The following RNF220 variants were observed in gnomAD, a reference collection of about 807,000 sequenced individuals.
RNF220 encodes E3 ubiquitin-protein ligase RNF220.
In RNF220, 7 loss-of-function variants were observed where a neutral mutation model predicts 67.1. The observed-to-expected ratio is 0.10, with a 90% confidence interval of 0.06 to 0.20. The LOEUF is 0.20. Among genes scored for constraint, RNF220 ranks in the 10% least tolerant of loss-of-function variants. RNF220 has a pLI of 1.00. For missense variants in RNF220, 565 were observed against 740.3 expected, an observed-to-expected ratio of 0.76 and a Z score of 2.75; for synonymous variants, 270 against 283.2, an observed-to-expected ratio of 0.95 and a Z score of 0.47.
chr1:44,427,974 T>C (rs149199694), intron 2 of RNF220, among the ~76,000 whole-genome samples: 10 of 152,342 alleles, frequency 6.6e-5, no homozygotes, highest in African/African-American at 2.4e-4. Context: ...TGAACTCTTA[T>C]AAGTCTGTGC....
At chr1:44,635,737 G>T (rs1461883707) in intron 7 of RNF220, 149 bp downstream of exon 7, 6 of 1,494,198 alleles carry the variant, frequency 4.0e-6, no homozygotes, top group Non-Finnish European at 5.4e-6. Flanking sequence ...GACTGCCCCT[G>T]AATCTGTGGG....
At chr1:44,480,440 A>C (rs1204748223) in intron 2 of RNF220, among the ~76,000 whole-genome samples, 3 of 151,998 alleles carry the variant, frequency 2.0e-5, no homozygotes, top group African/African-American at 7.2e-5. Flanking sequence ...GTGATTGCAA[A>C]AGATGAAATG....
At chr1:44,489,806 C>A (rs12140348) in intron 2 of RNF220, among the ~76,000 whole-genome samples, 6,762 of 151,670 alleles carry the variant, frequency 0.045, 159 homozygotes, top group Non-Finnish European at 0.061. Flanking sequence ...ATCTGCTTCA[C>A]CAGAATCCCA....
chr1:44,618,106 A>T (rs1297951511), intron 3 of RNF220, among the ~76,000 whole-genome samples: 2 of 152,076 alleles, frequency 1.3e-5, no homozygotes, highest in African/African-American at 4.8e-5. Flanking sequence ...GGCTCTTCAG[A>T]CTGGCCTGGT....
At chr1:44,431,571 C>T (rs1336899417) in intron 2 of RNF220, among the ~76,000 whole-genome samples, 1 of 150,574 alleles carries the variant, frequency 6.6e-6, no homozygotes, top group Non-Finnish European at 1.5e-5. Context: ...ATGGGGTAAA[C>T]AGCAGATGTG....
intron 2 of RNF220, among the ~76,000 whole-genome samples, chr1:44,501,540 G>A (rs906373337): frequency 6.9e-6 from 1 of 144,736 alleles, no homozygotes; most frequent in Non-Finnish European, 1.5e-5. Context: ...GAAGCATGGG[G>A]TTATTGGGTG....
At chr1:44,494,811 A>T (rs1172456736) in intron 2 of RNF220, among the ~76,000 whole-genome samples, 1 of 152,228 alleles carries the variant, frequency 6.6e-6, no homozygotes, top group Non-Finnish European at 1.5e-5. Flanking sequence ...TATCAAAAAA[A>T]GTAGATAGAA....
intron 2 of RNF220, among the ~76,000 whole-genome samples, chr1:44,454,704 A>G (rs1233442324): frequency 6.6e-6 from 1 of 151,902 alleles, no homozygotes; most frequent in Non-Finnish European, 1.5e-5. Context: ...ATATATAGTA[A>G]AAACCCTTTA....
chr1:44,579,287 A>G (rs181174627), intron 2 of RNF220, among the ~76,000 whole-genome samples: 1 of 152,252 alleles, frequency 6.6e-6, no homozygotes, highest in Non-Finnish European at 1.5e-5. Flanking sequence ...CCAAGACCAC[A>G]CAGTCACTGA....
At chr1:44,461,215 C>G (rs541827353) in intron 2 of RNF220, among the ~76,000 whole-genome samples, 3 of 152,104 alleles carry the variant, frequency 2.0e-5, no homozygotes, top group Admixed American at 6.5e-5. Flanking sequence ...GTGCCTACAC[C>G]AAGAAAAAGG....
chr1:44,430,097 A>G (rs1310909385), intron 2 of RNF220, among the ~76,000 whole-genome samples: 2 of 151,786 alleles, frequency 1.3e-5, no homozygotes, highest in Non-Finnish European at 2.9e-5. Context: ...ACCTCATAGA[A>G]AAAAAGATAC....
chr1:44,408,104 C>T (rs1647572952), intron 1 of RNF220, among the ~76,000 whole-genome samples: 1 of 152,190 alleles, frequency 6.6e-6, no homozygotes, highest in African/African-American at 2.4e-5. Flanking sequence ...GTAGTGGGCT[C>T]GGCTCCGCGT....
chr1:44,645,119 A>G lies in RNF220; in HGVS notation c.1310+38A>G, dbSNP rs758722305. 8 of 1,613,348 alleles carry G rather than the reference A, an allele frequency of 5.0e-6. 1 individual carries two copies. The South Asian group carries it at 8.8e-5, about 18-fold the overall frequency. On this transcript the variant is annotated intron_variant, in intron 10 of 14. Transcript: ENST00000361799. The surrounding 1 kb of genome is among the most constrained non-coding windows in gnomAD (Gnocchi z 5.0). ...ACAGGCTTGGGCGGGTGGAGCAGAG[A>G]AACAGGAAGCCCTGAGGCAGGGGTT...
intron 2 of RNF220, among the ~76,000 whole-genome samples, chr1:44,604,471 G>C (rs1360609497): frequency 6.6e-6 from 1 of 152,254 alleles, no homozygotes; most frequent in Non-Finnish European, 1.5e-5. Context: ...CAAGGTCATG[G>C]GTGTGAAACA....
At chr1:44,499,897 C>T (rs1657678166) in intron 2 of RNF220, among the ~76,000 whole-genome samples, 1 of 152,212 alleles carries the variant, frequency 6.6e-6, no homozygotes, top group Non-Finnish European at 1.5e-5. Context: ...CCAGTTGGAT[C>T]AGGCCAAAAC....
At chr1:44,536,387 A>T (rs1661224175) in intron 2 of RNF220, among the ~76,000 whole-genome samples, 1 of 152,244 alleles carries the variant, frequency 6.6e-6, no homozygotes, top group Admixed American at 6.5e-5. Flanking sequence ...CTACCTGAAC[A>T]GCAAGCTTGG....
At chr1:44,492,686 T>A (rs962060292) in intron 2 of RNF220, among the ~76,000 whole-genome samples, 2 of 152,202 alleles carry the variant, frequency 1.3e-5, no homozygotes, top group African/African-American at 4.8e-5. Context: ...ATTATATGAT[T>A]CCGTTTATAT....
In RNF220 at chr1:44,417,495, G is replaced by A. The variant is rs1648665980; in HGVS notation, c.625+4773G>A. Among the ~76,000 whole-genome samples the A allele has an allele frequency of 1.3e-5, 2 of 151,876 alleles. No homozygotes were observed. The highest frequency in any genetic ancestry group is 2.9e-5 in the Non-Finnish European group (2 of 67,912). On this transcript the variant is annotated intron_variant, in intron 2 of 14. Coordinates refer to ENST00000361799, the MANE Select transcript of RNF220 (RefSeq NM_018150.4). This position sits in a 1 kb window ranked among gnomAD's most constrained non-coding sequence, Gnocchi z 4.0. The stretch of plus-strand genomic sequence containing the variant: ...CGCCGCTCGCCTGGCGGCTGGGCTC[G>A]CTGTAGTTGTGCTCCCGCTCTTCCC...
rs542407696 is a variant in RNF220, at chr1:44,423,746, C to T, written c.625+11024C>T. ...TCAGGGCCTAGAGTACTCGCTTGGC[C>T]GTTAAACTAAGCCACATAGCACCCG... On this transcript the variant is annotated intron_variant, in intron 2 of 14. Transcript: ENST00000361799. The T allele has an allele frequency of 2.7e-4, 189 of 700,862 alleles. No homozygotes were observed. The African/African-American group carries it at 3.4e-3, about 13-fold the overall frequency. 43.4% of individuals were successfully genotyped at this position (700,862 alleles called of 1,614,324 possible).
Sources: gnomAD v4.1 joint callset for allele counts (sites outside exome capture counted in the v4.1 genomes callset) on GRCh38, gnomAD v4.1.1 for gene constraint, Gnocchi (gnomAD v3.1) non-coding constraint, MANE v1.5 for transcripts, NCBI Gene and HGNC (gene_info 2026-07-23, HGNC 2026-07-21) for gene names.